The following TTC6 variants were observed in gnomAD, a reference collection of about 807,000 sequenced individuals.
TTC6 encodes tetratricopeptide repeat protein 6.
A neutral mutation model predicts 210.4 loss-of-function variants in TTC6; 172 were observed. The ratio of observed to expected loss-of-function variants is 0.82; its 90% CI spans 0.72 to 0.93. TTC6 has a LOEUF of 0.93. Ranked by LOEUF, TTC6 falls within the 40% of genes least tolerant of loss-of-function variation. TTC6 has a pLI of 0.00. For missense variants in TTC6, 2,414 were observed against 2,318.1 expected, an observed-to-expected ratio of 1.04 and a Z score of -0.85; for synonymous variants, 804 against 819.6, an observed-to-expected ratio of 0.98 and a Z score of 0.32.
chr14:37,649,504 A>G (rs756232819), intron 1 of TTC6, among the ~76,000 whole-genome samples: 7 of 152,218 alleles, frequency 4.6e-5, no homozygotes, highest in Non-Finnish European at 4.4e-5. Context: ...GACAAAGGAA[A>G]TGGCACTGAA....
chr14:37,786,095 T>C (rs534885160), intron 14 of TTC6, among the ~76,000 whole-genome samples: 2 of 152,148 alleles, frequency 1.3e-5, no homozygotes, highest in African/African-American at 2.4e-5. Flanking sequence ...GAGGTGGCAG[T>C]CTGTCCATTC....
intron 17 of TTC6, 55 bp from the exon 20 acceptor site, chr14:37,795,215 A>G (rs1351743906): frequency 5.6e-6 from 7 of 1,242,452 alleles, no homozygotes; most frequent in Non-Finnish European, 7.8e-6. Flanking sequence ...GATAAATATC[A>G]GAAAGGAAGC....
chr14:37,657,295 A>AT (rs1463939593), intron 1 of TTC6, among the ~76,000 whole-genome samples: 2 of 150,052 alleles, frequency 1.3e-5, no homozygotes, highest in Non-Finnish European at 3.0e-5. Context: ...AAGGAGTGGC[A>AT]TTTTAATAAA....
At chr14:37,822,577 T>C (rs1279977977) in intron 26 of TTC6, among the ~76,000 whole-genome samples, 1 of 152,218 alleles carries the variant, frequency 6.6e-6, no homozygotes, top group African/African-American at 2.4e-5. Flanking sequence ...CATGTTCTTA[T>C]CTGAGCCTCA....
chr14:37,611,153 T>TG (rs2139250281), intron 2 of TTC6: 1 of 152,262 alleles, frequency 6.6e-6, no homozygotes, highest in South Asian at 2.1e-4. Flanking sequence ...GCCACGGTGC[T>TG]GGGGGCTCCT....
Position 37,834,049 on chromosome 14 carries a change from G to A in TTC6, c.5298+6683G>A, listed in dbSNP as rs534898432. On this transcript the variant is annotated intron_variant, in intron 29 of 30. Transcript: ENST00000553443. ...TCCTGGTTTATAGGATTTCTGTGGA[G>A]AAATCAGCTGTTAGTCTGACAGAAA... Among the ~76,000 whole-genome samples, 176 of 152,292 alleles carry A rather than the reference G, an allele frequency of 1.2e-3. 4 individuals are homozygous for A. The highest frequency in any genetic ancestry group is 3.8e-3 in the African/African-American group (158 of 41,558).
At chr14:37,675,074 G>T (rs1034533605) in intron 1 of TTC6, among the ~76,000 whole-genome samples, 1 of 151,738 alleles carries the variant, frequency 6.6e-6, no homozygotes, top group Non-Finnish European at 1.5e-5. Flanking sequence ...TTACACTGAG[G>T]TGAATTCATA....
chr14:37,664,730 G>T (rs1439902985), intron 1 of TTC6, among the ~76,000 whole-genome samples: 1 of 150,234 alleles, frequency 6.7e-6, no homozygotes, highest in African/African-American at 2.4e-5. Context: ...CAAAATTGGG[G>T]AAAATTTTTG....
chr14:37,643,351 C>T (rs2095695730), intron 1 of TTC6, among the ~76,000 whole-genome samples: 1 of 151,946 alleles, frequency 6.6e-6, no homozygotes, highest in Admixed American at 6.6e-5. Context: ...AAAACAAAAA[C>T]AAACAAAAAA....
chr14:37,794,400 G>C (rs529604978), intron 17 of TTC6, among the ~76,000 whole-genome samples: 161 of 152,092 alleles, frequency 1.1e-3, no homozygotes, highest in African/African-American at 3.7e-3. Context: ...TTGCTTCTTT[G>C]CATCATTGTG....
At chr14:37,726,666 C>T (rs960532278) in intron 7 of TTC6, among the ~76,000 whole-genome samples, 2 of 151,820 alleles carry the variant, frequency 1.3e-5, no homozygotes, top group African/African-American at 4.8e-5. Context: ...ATTGATATGG[C>T]TTAGGAATAA....
intron 2 of TTC6, among the ~76,000 whole-genome samples, chr14:37,614,370 AC>A (rs1274449102): frequency 6.6e-6 from 1 of 152,148 alleles, no homozygotes; most frequent in Admixed American, 6.5e-5. Context: ...TAGTTCCTTT[AC>A]CCACACCTAT....
intron 2 of TTC6, among the ~76,000 whole-genome samples, chr14:37,612,872 A>G (rs773859440): frequency 1.1e-4 from 16 of 152,206 alleles, no homozygotes; most frequent in Non-Finnish European, 2.2e-4. Context: ...CTTAGTACAT[A>G]TAGATTTTTG....
intron 3 of TTC6, among the ~76,000 whole-genome samples, chr14:37,690,458 CTGAT>C (rs755540730): frequency 3.3e-5 from 5 of 152,012 alleles, no homozygotes; most frequent in African/African-American, 7.2e-5. Flanking sequence ...AAAAATAAGA[CTGAT>C]TGATCTGTTG....
intron 26 of TTC6, among the ~76,000 whole-genome samples, chr14:37,820,537 G>T (rs2096152956): frequency 6.6e-6 from 1 of 152,150 alleles, no homozygotes; most frequent in Non-Finnish European, 1.5e-5. Context: ...CCATATATTA[G>T]AATATGTACT....
At chr14:37,833,529 G>A (rs1280151296) in intron 29 of TTC6, among the ~76,000 whole-genome samples, 1 of 152,118 alleles carries the variant, frequency 6.6e-6, no homozygotes, top group Non-Finnish European at 1.5e-5. Flanking sequence ...CCAGCATATA[G>A]TTGGGTCTTG....
intron 26 of TTC6, among the ~76,000 whole-genome samples, chr14:37,819,526 A>T (rs574596814): frequency 2.1e-4 from 32 of 152,318 alleles, no homozygotes; most frequent in African/African-American, 5.5e-4. Context: ...TTAGGCTTGA[A>T]TATCCTACTT....
chr14:37,733,991 G>C (rs373801506), intron 7 of TTC6, among the ~76,000 whole-genome samples: 1 of 151,930 alleles, frequency 6.6e-6, no homozygotes, highest in Non-Finnish European at 1.5e-5. Context: ...AATCTGTTAT[G>C]TTATGGTGTT....
At chr14:37,642,367 G>A (rs2095693549) in intron 1 of TTC6, among the ~76,000 whole-genome samples, 1 of 152,176 alleles carries the variant, frequency 6.6e-6, no homozygotes, top group Admixed American at 6.5e-5. Flanking sequence ...CAATCCGCAG[G>A]TGGTGGTGAC....
Sources: gnomAD v4.1 joint callset for allele counts (sites outside exome capture counted in the v4.1 genomes callset) on GRCh38, gnomAD v4.1.1 for gene constraint, MANE v1.5 for transcripts, NCBI Gene and HGNC (gene_info 2026-07-23, HGNC 2026-07-21) for gene names.